SNX29: variants seen among roughly 807,000 people sequenced by gnomAD.
The protein encoded by SNX29 is sorting nexin-29.
A neutral mutation model predicts 102.1 loss-of-function variants in SNX29; 78 were observed. That is an observed-to-expected ratio of 0.76 (90% CI 0.64 to 0.92). The LOEUF (loss-of-function observed/expected upper bound fraction) is 0.92. Ranked by LOEUF, SNX29 falls within the 40% of genes least tolerant of loss-of-function variation. The pLI is 0.00. For missense variants in SNX29, 1,280 were observed against 1,061.7 expected, an observed-to-expected ratio of 1.21 and a Z score of -2.86; for synonymous variants, 580 against 414.5, an observed-to-expected ratio of 1.40 and a Z score of -4.85.
chr16:12,513,345 C>CCTGAGATGCT (rs79421007), intron 19 of SNX29, among the ~76,000 whole-genome samples: 16 of 149,500 alleles, frequency 1.1e-4, no homozygotes, highest in African/African-American at 3.5e-4. Context: ...CCTGCCCTGC[C>CCTGAGATGCT]CTGCTCTCTT....
chr16:12,403,202 A>ATG (rs67193889), intron 17 of SNX29, among the ~76,000 whole-genome samples: 1,814 of 70,788 alleles, frequency 0.026, 12 homozygotes, highest in Middle Eastern at 0.029. Context: ...TTGTGTGTGT[A>ATG]TGTGTGTGTG....
chr16:12,494,602 A>G lies in SNX29; in HGVS notation c.2178+16743A>G, dbSNP rs1354225680. On this transcript the variant is annotated intron_variant, in intron 19 of 20. Transcript: ENST00000566228. ...CCCAATCTCACTTGCTGAGGAGCCC[A>G]TCTTCTCTACCAGCTCACAGCCACG... 2.6e-5 allele frequency among the ~76,000 whole-genome samples: 4 copies of G among 152,326 alleles called. No homozygotes were observed. The East Asian group carries it at 5.8e-4, about 22-fold the overall frequency.
Position 12,555,781 on chromosome 16 carries a change from C to G in SNX29, c.2319-12725C>G, listed in dbSNP as rs563027119. Among the ~76,000 whole-genome samples, 7 of 151,994 alleles carry G rather than the reference C, an allele frequency of 4.6e-5. No individual in the cohort carries two copies. In the South Asian group the frequency reaches 1.0e-3, roughly 22 times the overall value. Reference sequence around the variant, plus strand: ...CTAGCCTTCAGGCTGCTCAGTGGCACCAGGCAGGCACACTCCTGCCTGCCT... The same window carrying G: ...CTAGCCTTCAGGCTGCTCAGTGGCAGCAGGCAGGCACACTCCTGCCTGCCT... On this transcript the variant is annotated intron_variant, in intron 20 of 20. Transcript: ENST00000566228.
chr16:12,535,359 C>A (rs116893596), intron 20 of SNX29, among the ~76,000 whole-genome samples: 1 of 152,198 alleles, frequency 6.6e-6, no homozygotes, highest in Non-Finnish European at 1.5e-5. Flanking sequence ...TGGTCTCGAA[C>A]TCCTGGCCTC....
At chr16:12,567,580 G>C (rs759664799) in intron 20 of SNX29, among the ~76,000 whole-genome samples, 15 of 152,016 alleles carry the variant, frequency 9.9e-5, no homozygotes, top group Non-Finnish European at 1.9e-4. Context: ...GACCAGCCTG[G>C]ACAAGAGCAA....
intron 13 of SNX29, among the ~76,000 whole-genome samples, chr16:12,138,770 A>T (rs765018074): frequency 5.9e-5 from 9 of 152,138 alleles, no homozygotes; most frequent in Non-Finnish European, 1.0e-4. Flanking sequence ...GAGTTGCTGT[A>T]GTGGACATGG....
At chr16:12,168,577 C>G (rs568144892) in intron 13 of SNX29, among the ~76,000 whole-genome samples, 5 of 152,296 alleles carry the variant, frequency 3.3e-5, no homozygotes, top group African/African-American at 1.2e-4. Context: ...CCCTCGTGAC[C>G]TTGGAATGTG....
chr16:12,552,736 C>T (rs913808675), intron 20 of SNX29, among the ~76,000 whole-genome samples: 1 of 152,230 alleles, frequency 6.6e-6, no homozygotes, highest in Non-Finnish European at 1.5e-5. Context: ...CATGGTATCT[C>T]CAGTGAAATC....
At chr16:12,211,177 T>C (rs577682272) in intron 14 of SNX29, among the ~76,000 whole-genome samples, 21 of 152,274 alleles carry the variant, frequency 1.4e-4, no homozygotes, top group African/African-American at 4.6e-4. Flanking sequence ...TGAATACTCC[T>C]TGAGTACCAG....
intron 15 of SNX29, among the ~76,000 whole-genome samples, chr16:12,287,041 C>T (rs1703720198): frequency 6.6e-6 from 1 of 152,362 alleles, no homozygotes; most frequent in South Asian, 2.1e-4. Context: ...CTGGCTCACT[C>T]TTTCTCCTTC....
chr16:12,558,424 C>G (rs555509969), intron 20 of SNX29, among the ~76,000 whole-genome samples: 6 of 152,216 alleles, frequency 3.9e-5, no homozygotes, highest in African/African-American at 1.4e-4. Flanking sequence ...TGAAAGCTGA[C>G]ATCTAGAAAG....
At chr16:12,048,196 G>A (rs2050162437) in intron 6 of SNX29, among the ~76,000 whole-genome samples, 176 bp from the exon 7 acceptor site, 1 of 151,140 alleles carries the variant, frequency 6.6e-6, no homozygotes, top group Non-Finnish European at 1.5e-5. Context: ...CACCCAGGCT[G>A]GAGTGCAGTG....
intron 18 of SNX29, among the ~76,000 whole-genome samples, chr16:12,469,665 A>G (rs1394841089): frequency 6.6e-6 from 1 of 152,204 alleles, no homozygotes; most frequent in Non-Finnish European, 1.5e-5. Context: ...CTCCTCGGGC[A>G]ATAGAGAGCG....
intron 19 of SNX29, among the ~76,000 whole-genome samples, chr16:12,509,714 T>G (rs146617903): frequency 1.3e-5 from 2 of 152,034 alleles, no homozygotes; most frequent in African/African-American, 4.8e-5. Flanking sequence ...AGCCCAGGAG[T>G]TTGAGACCAA....
chr16:12,304,253 C>A (rs1425642185), intron 15 of SNX29, among the ~76,000 whole-genome samples: 1 of 151,724 alleles, frequency 6.6e-6, no homozygotes, highest in Admixed American at 6.6e-5. Context: ...AAGTGGAGAC[C>A]TTGTGGCATG....
intron 14 of SNX29, among the ~76,000 whole-genome samples, chr16:12,230,807 CTTGTAATAAGTCG>C (rs1338320894): frequency 6.7e-6 from 1 of 148,884 alleles, no homozygotes; most frequent in African/African-American, 2.5e-5. Flanking sequence ...ATGTTTCTCC[CTTGTAATAAGTCG>C]TATGTATGTA....
intron 20 of SNX29, among the ~76,000 whole-genome samples, chr16:12,546,868 G>A (rs779232784): frequency 1.3e-5 from 2 of 152,222 alleles, no homozygotes; most frequent in Non-Finnish European, 2.9e-5. Flanking sequence ...GTAAGATCAG[G>A]CTGGTTTGGT....
At chr16:12,534,287 C>T (rs2077010767) in intron 20 of SNX29, among the ~76,000 whole-genome samples, 1 of 152,242 alleles carries the variant, frequency 6.6e-6, no homozygotes, top group South Asian at 2.1e-4. Flanking sequence ...CCGTCTTTCT[C>T]CGTGTGGGAG....
intron 19 of SNX29, among the ~76,000 whole-genome samples, chr16:12,497,884 T>G (rs1220648663): frequency 6.6e-6 from 1 of 152,196 alleles, no homozygotes; most frequent in East Asian, 1.9e-4. Flanking sequence ...TCACAGCGAC[T>G]GTGATTGGCC....
Sources: gnomAD v4.1 joint callset for allele counts (sites outside exome capture counted in the v4.1 genomes callset) on GRCh38, gnomAD v4.1.1 for gene constraint, MANE v1.5 for transcripts, NCBI Gene and HGNC (gene_info 2026-07-23, HGNC 2026-07-21) for gene names.